The following SCARF1 variants were observed in gnomAD, a reference collection of about 807,000 sequenced individuals.
SCARF1 encodes the protein scavenger receptor class F member 1.
Under a neutral mutation model 76.3 loss-of-function variants are expected in SCARF1, and 49 were observed. The ratio of observed to expected loss-of-function variants is 0.64; its 90% CI spans 0.51 to 0.81. SCARF1 has a LOEUF of 0.81. SCARF1 is among the 40% of genes least tolerant of loss of function. SCARF1 has a pLI of 0.00. For missense variants in SCARF1, 1,098 were observed against 1,143.9 expected (o/e 0.96, Z 0.58); for synonymous variants, 495 against 474.6 (o/e 1.04, Z -0.56).
At position 1,645,371 on chromosome 17, in the gene SCARF1, A is replaced by T; in HGVS notation, c.102-132T>A. The T allele has an allele frequency of 7.1e-7, 1 of 1,408,110 alleles. No individual in the cohort carries two copies. 87.2% of individuals were successfully genotyped at this position (1,408,110 alleles called of 1,614,324 possible). ...CTGGGGAGGCCTAATGGATCTTTAC[A>T]GCTAGGGTCCCCAGCCCCTCCCCTC... On this transcript the variant is annotated intron_variant, in intron 1 of 10. Coordinates refer to ENST00000263071, the MANE Select transcript of SCARF1 (RefSeq NM_003693.4). The surrounding 1 kb of genome is among the most constrained non-coding windows in gnomAD (Gnocchi z 6.3).
Position 1,635,428 on chromosome 17 carries a change from T to G in SCARF1, c.1823A>C (p.Glu608Ala), listed in dbSNP as rs773881549. ...FAPQSRRSSG[E>A]LSSPLRKPKR... is the part of the protein sequence containing the mutation. ...GGGCTTTCGGAGCGGGCTGGAGAGC[T>G]CCCCTGAGCTTCGGCGACTCTGTGG... is the stretch of plus-strand genomic sequence containing the variant. Residue 608 changes from glutamate to alanine, a missense_variant, in exon 11 of 11, where the codon GAG becomes GCG. Physicochemically the swap from Glu to Ala is moderately radical, Grantham distance 107. Coordinates refer to ENST00000263071, the MANE Select transcript of SCARF1 (RefSeq NM_003693.4). The G allele has an allele frequency of 1.2e-6, 2 of 1,613,696 alleles. No individual in the cohort carries two copies. Among genetic ancestry groups the G allele is most frequent in the Non-Finnish European group, 1.7e-6 (2 of 1,179,906 alleles).
chr17:1,643,696 G>A lies in SCARF1; in HGVS notation c.537C>T (p.Cys179=). ...GCCCCCACCAGCCCGGCTTGCACAC[G>A]CAGGCGCCCGTGGCCTGCTCGCAGC... The part of the protein sequence containing the change: ...AARCEQATGA[C]VCKPGWWGRR... Residue 179 remains cysteine (C), a synonymous_variant, in exon 4 of 11, where the codon TGC becomes TGT. Coordinates refer to ENST00000263071, the MANE Select transcript of SCARF1 (RefSeq NM_003693.4). The A allele has an allele frequency of 6.9e-7, 1 of 1,441,594 alleles. No individual in the cohort carries two copies. Among genetic ancestry groups the A allele is most frequent in the Admixed American group, 2.8e-5 (1 of 36,136 alleles). The allele number at this position is 1,441,594 out of a possible 1,614,324, so 89.3% of individuals were successfully genotyped here.
rs1910326907 is a variant in SCARF1 at position 1,644,063 on chromosome 17, C to T, written c.266-96G>A. 1 of 1,028,550 alleles carries T rather than the reference C, an allele frequency of 9.7e-7. No individual in the cohort carries two copies. The highest frequency in any genetic ancestry group is 1.3e-6 in the Non-Finnish European group (1 of 796,698). 63.7% of individuals were successfully genotyped at this position (1,028,550 alleles called of 1,614,324 possible). On this transcript the variant is annotated intron_variant, in intron 3 of 10. Transcript: ENST00000263071. The surrounding 1 kb of genome is among the most constrained non-coding windows in gnomAD (Gnocchi z 4.8). ...CCTCAAGGAAAAGGGGCGCTGGGCC[C>T]ATCCTCCAAGAGCCGGGGACAGACC...
chr17:1,644,637 TA>T lies in SCARF1; in HGVS notation c.265+196del. On this transcript the variant is annotated intron_variant, in intron 3 of 10. Coordinates refer to ENST00000263071, the MANE Select transcript of SCARF1 (RefSeq NM_003693.4). The surrounding 1 kb of genome is among the most constrained non-coding windows in gnomAD (Gnocchi z 4.8). ...GTGGGCAGTGCTTTGTGGATGTGGG[TA>T]AAAACCCGGTGACTCAGGTCATCTC... The T allele has an allele frequency of 1.6e-6, 1 of 608,424 alleles. No individual in the cohort carries two copies. The highest frequency in any genetic ancestry group is 2.8e-5 in the Admixed American group (1 of 35,332). 37.7% of individuals were successfully genotyped at this position (608,424 alleles called of 1,614,324 possible).
At chr17:1,643,242 C>A in intron 4 of SCARF1, 200 bp downstream of exon 4, 1 of 69,472 alleles carries the variant, frequency 1.4e-5, no homozygotes, top group East Asian at 3.8e-4. Flanking sequence ...GCCCCCTCCC[C>A]GCCCACCGGT....
chr17:1,636,081 C>A (rs933719490), intron 10 of SCARF1, among the ~76,000 whole-genome samples: 1 of 152,216 alleles, frequency 6.6e-6, no homozygotes, highest in Non-Finnish European at 1.5e-5. Flanking sequence ...CTCTCCCTGA[C>A]TTTCACTTGG....
At position 1,635,468 on chromosome 17, in the gene SCARF1, C is replaced by T; in HGVS notation, c.1783G>A (p.Gly595Ser). 6.2e-7 allele frequency: 1 copy of T among 1,614,108 alleles called. No individual in the cohort carries two copies. Among genetic ancestry groups the T allele is most frequent in the Admixed American group, 1.7e-5 (1 of 60,032 alleles). The change falls in exon 11 of 11, where the codon GGT (glycine) becomes AGT (serine). Residue 595 changes from glycine to serine, a missense_variant. Coordinates refer to ENST00000263071, the MANE Select transcript of SCARF1 (RefSeq NM_003693.4). ...CGACTCTGTGGTGCAAACTTGGTAC[C>T]TTCCGCGAAGGAGACCGATGGCCGC... Reference protein sequence around the residue: ...AKRPSVSFAEGTKFAPQSRRS... With the variant: ...AKRPSVSFAESTKFAPQSRRS...
At position 1,644,119 on chromosome 17, in the gene SCARF1, ACACT is replaced by A; in HGVS notation, c.266-156_266-153del. The A allele has an allele frequency of 1.9e-6, 1 of 539,296 alleles. No individual in the cohort carries two copies. Among genetic ancestry groups the A allele is most frequent in the South Asian group, 7.7e-5 (1 of 13,040 alleles). 33.4% of individuals were successfully genotyped at this position (539,296 alleles called of 1,614,324 possible). Reference sequence around the variant, plus strand: ...AACATCCGGCAGCCTGTCCTGGGCAACACTCACTTCCTGCTCCGCTCTGACCTAC... The same window carrying A: ...AACATCCGGCAGCCTGTCCTGGGCAACACTTCCTGCTCCGCTCTGACCTAC... On this transcript the variant is annotated intron_variant, in intron 3 of 10. Coordinates refer to ENST00000263071, the MANE Select transcript of SCARF1 (RefSeq NM_003693.4). The surrounding 1 kb of genome is among the most constrained non-coding windows in gnomAD (Gnocchi z 4.8).
chr17:1,637,180 T>C, intron 8 of SCARF1, 118 bp from the exon 9 acceptor site: 1 of 1,075,508 alleles, frequency 9.3e-7, no homozygotes, highest in Non-Finnish European at 1.3e-6. Flanking sequence ...GGCTCTCTAT[T>C]GACTACAGAA....
In SCARF1 at chr17:1,645,196, C is replaced by G; in HGVS notation, c.145G>C (p.Asp49His). The change falls in exon 2 of 11, where the codon GAT becomes CAT. Residue 49 changes from aspartate (D) to histidine (H), a missense_variant. Coordinates refer to ENST00000263071, the MANE Select transcript of SCARF1 (RefSeq NM_003693.4). The surrounding 1 kb of genome is among the most constrained non-coding windows in gnomAD (Gnocchi z 6.3). ...LQCCAGWRQK[D>H]QECTIPICEG... is the part of the protein sequence containing the mutation. Reference sequence around the variant, plus strand: ...TACTCACGGATGGTGCATTCTTGATCCTTCTGCCTCCAGCCTGCGCAGCAC... The same window carrying G: ...TACTCACGGATGGTGCATTCTTGATGCTTCTGCCTCCAGCCTGCGCAGCAC... 3 of 1,613,756 alleles carry G rather than the reference C, an allele frequency of 1.9e-6. No homozygotes were observed. The highest frequency in any genetic ancestry group is 2.5e-6 in the Non-Finnish European group (3 of 1,179,970).
In SCARF1 at chr17:1,635,318, C is replaced by T. The variant is rs775886804; in HGVS notation, c.1933G>A (p.Glu645Lys). Residue 645 changes from glutamate to lysine, a missense_variant, in exon 11 of 11, where the codon GAG becomes AAG. By Grantham distance (56) the Glu-to-Lys change is moderately conservative (BLOSUM62 1). Transcript: ENST00000263071. ...GGACTGGCAGCCGCCGGAAAGGACT[C>T]GGGGGCTTCTGCTTCCTCTGGGCCT... Reference protein sequence around the residue: ...STGPEEAEAPESFPAAASPGD... With the variant: ...STGPEEAEAPKSFPAAASPGD... The T allele has an allele frequency of 5.0e-6, 8 of 1,612,370 alleles. No homozygotes were observed. The highest frequency in any genetic ancestry group is 2.2e-5 in the East Asian group (1 of 44,876).
In SCARF1 at chr17:1,636,709, C is replaced by A; in HGVS notation, c.1633G>T (p.Gly545Trp). 1 of 1,613,764 alleles carries A rather than the reference C, an allele frequency of 6.2e-7. No individual in the cohort carries two copies. The highest frequency in any genetic ancestry group is 8.5e-7 in the Non-Finnish European group (1 of 1,179,788). The change falls in exon 10 of 11, where the codon GGG becomes TGG. Residue 545 changes from glycine to tryptophan, a missense_variant and splice_region_variant. By Grantham distance (184) the Gly-to-Trp change is radical. Coordinates refer to ENST00000263071, the MANE Select transcript of SCARF1 (RefSeq NM_003693.4). ...VPAYCVPPQE[G>W]MVPVAQAGSS... ...GCTATGTGGGCTGTTGGGGGGCTAC[C>A]TTCTTGGGGTGGCACACAGTAGGCA... is the stretch of plus-strand genomic sequence containing the variant.
chr17:1,635,870 C>T (rs956579207), intron 10 of SCARF1, among the ~76,000 whole-genome samples: 7 of 151,774 alleles, frequency 4.6e-5, no homozygotes, highest in Admixed American at 2.0e-4. Flanking sequence ...AGTCCTCCCG[C>T]CTCAGCCTCC....
At position 1,639,655 on chromosome 17, in the gene SCARF1, A is replaced by G. The variant is rs957053814; in HGVS notation, c.1227T>C (p.Ser409=). The G allele has an allele frequency of 2.5e-6, 4 of 1,570,940 alleles. No individual in the cohort carries two copies. Among genetic ancestry groups the G allele is most frequent in the South Asian group, 1.2e-5 (1 of 85,536 alleles). The part of the protein sequence containing the change: ...ECPEGLCHPV[S]GSCQPGSGSR... ...CCACCTTACCTGGCTGGCAGGACCC[A>G]GAGACAGGGTGGCAGAGTCCCTCTG... Residue 409 remains serine (S), a synonymous_variant, in exon 7 of 11, where the codon TCT becomes TCC. Transcript: ENST00000263071.
At chr17:1,643,020 T>A (rs1910176233) in intron 4 of SCARF1, among the ~76,000 whole-genome samples, 1 of 152,062 alleles carries the variant, frequency 6.6e-6, no homozygotes, top group African/African-American at 2.4e-5. Flanking sequence ...CCCTTTCTCG[T>A]TCCTCTGCTT....
chr17:1,641,674 A>G (rs912505564), intron 4 of SCARF1, among the ~76,000 whole-genome samples: 1 of 152,182 alleles, frequency 6.6e-6, no homozygotes, highest in Non-Finnish European at 1.5e-5. Flanking sequence ...GGCAGTTTAT[A>G]AAAGCCATTT....
chr17:1,644,598 A>G lies in SCARF1; in HGVS notation c.265+236T>C. 1 of 593,214 alleles carries G rather than the reference A, an allele frequency of 1.7e-6. No individual in the cohort carries two copies. The highest frequency in any genetic ancestry group is 2.0e-5 in the South Asian group (1 of 49,316). 36.7% of individuals were successfully genotyped at this position (593,214 alleles called of 1,614,324 possible). Reference sequence around the variant, plus strand: ...TCACAGGTTTTCTGAGAAGTGGAAGAGGAAGATGCTCAGGTGGGCAGTGCT... The same window carrying G: ...TCACAGGTTTTCTGAGAAGTGGAAGGGGAAGATGCTCAGGTGGGCAGTGCT... On this transcript the variant is annotated intron_variant, in intron 3 of 10. Transcript: ENST00000263071. The surrounding 1 kb of genome is among the most constrained non-coding windows in gnomAD (Gnocchi z 4.8).
Position 1,640,348 on chromosome 17 carries a change from G to C in SCARF1, c.1010+100C>G. On this transcript the variant is annotated intron_variant, in intron 5 of 10. Transcript: ENST00000263071. The surrounding 1 kb of genome is among the most constrained non-coding windows in gnomAD (Gnocchi z 4.7). ...AGGAGGGAGGCCCCTGGGGCCGCATGAACCTGTGTGTCGGGGAGGGTGGTG... is the reference window on the plus strand; with the variant it reads ...AGGAGGGAGGCCCCTGGGGCCGCATCAACCTGTGTGTCGGGGAGGGTGGTG... The C allele has an allele frequency of 1.7e-6, 2 of 1,147,956 alleles. No individual in the cohort carries two copies. Among genetic ancestry groups the C allele is most frequent in the African/African-American group, 1.5e-5 (1 of 64,990 alleles). 71.1% of individuals were successfully genotyped at this position (1,147,956 alleles called of 1,614,324 possible).
chr17:1,636,931 G>T lies in SCARF1; in HGVS notation c.1486+10C>A, dbSNP rs766656890. On this transcript the variant is annotated intron_variant, in intron 9 of 10. Transcript: ENST00000263071. ...CCAATCCCAGACCCCGGCCCCCAGC[G>T]CCCACTGACCTGTCACCCAGGGTAG... 6.2e-7 allele frequency: 1 copy of T among 1,614,006 alleles called. No homozygotes were observed. Among genetic ancestry groups the T allele is most frequent in the South Asian group, 1.1e-5 (1 of 91,078 alleles).
Sources: gnomAD v4.1 joint callset for allele counts (sites outside exome capture counted in the v4.1 genomes callset) on GRCh38, gnomAD v4.1.1 for gene constraint, Gnocchi (gnomAD v3.1) non-coding constraint, MANE v1.5 for transcripts, NCBI Gene and HGNC (gene_info 2026-07-23, HGNC 2026-07-21) for gene names.